RNF216: variants seen among roughly 807,000 people sequenced by gnomAD.
RNF216 encodes the protein E3 ubiquitin-protein ligase RNF216.
RNF216 carries 72 observed loss-of-function variants against 110.8 expected under a neutral mutation model. The ratio of observed to expected loss-of-function variants is 0.65; its 90% CI spans 0.54 to 0.79. The LOEUF (loss-of-function observed/expected upper bound fraction) is 0.79. RNF216 is among the 30% of genes least tolerant of loss of function. RNF216 has a pLI of 0.00. For synonymous variants in RNF216, 495 were observed against 407.5 expected (o/e 1.21, Z -2.59); for missense variants, 1,342 against 1,141.2 (o/e 1.18, Z -2.54).
At chr7:5,672,108 T>C (rs1404246104) in intron 13 of RNF216, among the ~76,000 whole-genome samples, 2 of 152,234 alleles carry the variant, frequency 1.3e-5, no homozygotes, top group African/African-American at 2.4e-5. Context: ...CGCCCCTTTG[T>C]GCACACGCTG....
Position 5,747,779 on chromosome 7 carries a change from GA to G in RNF216, c.201+5066del, listed in dbSNP as rs1355347374. On this transcript the variant is annotated intron_variant, in intron 3 of 16. Transcript: ENST00000389902. Reference sequence around the variant, plus strand: ...AAAAAAAAAAAAAAAAAAAAAAGGGGAAAAAAAAAGAAAAAATAAATAATAA... The same window carrying G: ...AAAAAAAAAAAAAAAAAAAAAAGGGGAAAAAAAAGAAAAAATAAATAATAA... 3.8e-4 allele frequency among the ~76,000 whole-genome samples: 37 copies of G among 98,276 alleles called. 1 individual carries two copies. The highest frequency in any genetic ancestry group is 4.5e-4 in the Non-Finnish European group (21 of 46,324). 64.5% of individuals were successfully genotyped at this position (98,276 alleles called of 152,430 possible).
chr7:5,682,484 T>A (rs1029712146), intron 13 of RNF216, among the ~76,000 whole-genome samples: 2 of 151,830 alleles, frequency 1.3e-5, no homozygotes, highest in African/African-American at 4.8e-5. Context: ...CTTGTCTTAC[T>A]GCAACCCCTG....
At chr7:5,764,892 A>ACG (rs1796122094) in intron 1 of RNF216, among the ~76,000 whole-genome samples, 1 of 151,788 alleles carries the variant, frequency 6.6e-6, no homozygotes, top group Non-Finnish European at 1.5e-5. Context: ...ACTTGGTGAG[A>ACG]CCCCATCTCT....
intron 13 of RNF216, among the ~76,000 whole-genome samples, chr7:5,669,894 AAAGT>A (rs368696627): frequency 4.9e-4 from 74 of 152,042 alleles, no homozygotes; most frequent in African/African-American, 1.7e-3. Flanking sequence ...AAAAAAAAAG[AAAGT>A]AAGTGAGATT....
intron 13 of RNF216, among the ~76,000 whole-genome samples, chr7:5,652,733 G>A (rs1184812428): frequency 6.6e-6 from 1 of 152,108 alleles, no homozygotes; most frequent in African/African-American, 2.4e-5. Context: ...ACTTTGGAAG[G>A]CTGTGGCAGG....
intron 2 of RNF216, among the ~76,000 whole-genome samples, chr7:5,754,481 A>T (rs919923582): frequency 6.6e-6 from 1 of 152,076 alleles, no homozygotes; most frequent in African/African-American, 2.4e-5. Context: ...TGGATTTTTA[A>T]GGATGAGGAG....
chr7:5,679,468 C>A (rs925243653), intron 13 of RNF216, among the ~76,000 whole-genome samples: 2 of 152,240 alleles, frequency 1.3e-5, no homozygotes, highest in African/African-American at 4.8e-5. Flanking sequence ...ACAAGTGTAA[C>A]GAGGCTGTTG....
chr7:5,654,202 G>C (rs1383091873), intron 13 of RNF216, among the ~76,000 whole-genome samples: 2 of 152,194 alleles, frequency 1.3e-5, no homozygotes, highest in Non-Finnish European at 2.9e-5. Context: ...GGACTGACTT[G>C]AGAGCAAGGG....
At chr7:5,697,733 G>T (rs1360019551) in intron 13 of RNF216, among the ~76,000 whole-genome samples, 1 of 152,174 alleles carries the variant, frequency 6.6e-6, no homozygotes, top group East Asian at 1.9e-4. Flanking sequence ...TAGGATGCAA[G>T]GGTGCTCGCC....
rs560692612 is a variant in RNF216 at position 5,639,356 on chromosome 7, G to C, written c.2382+1798C>G. Among the ~76,000 whole-genome samples, 5 of 152,236 alleles carry C rather than the reference G, an allele frequency of 3.3e-5. No individual in the cohort carries two copies. The East Asian group carries it at 9.7e-4, about 29-fold the overall frequency. ...AGATAAGAGCTGCTAGCCCACCCCTGGGCTGTTCATCTCTGTACTTACACA... is the reference window on the plus strand; with the variant it reads ...AGATAAGAGCTGCTAGCCCACCCCTCGGCTGTTCATCTCTGTACTTACACA... On this transcript the variant is annotated intron_variant, in intron 15 of 16. Transcript: ENST00000389902.
At chr7:5,720,578 G>A (rs1793356801) in intron 9 of RNF216, among the ~76,000 whole-genome samples, 1 of 151,934 alleles carries the variant, frequency 6.6e-6, no homozygotes, top group Admixed American at 6.5e-5. Context: ...GTTGTTCAAG[G>A]GTCACTGTAA....
intron 2 of RNF216, among the ~76,000 whole-genome samples, chr7:5,760,208 C>A (rs1795859332): frequency 6.6e-6 from 1 of 152,054 alleles, no homozygotes; most frequent in Admixed American, 6.6e-5. Flanking sequence ...CAATAAAATT[C>A]CCCAAAACTT....
chr7:5,776,539 G>A (rs1448217957), intron 1 of RNF216, among the ~76,000 whole-genome samples: 1 of 143,828 alleles, frequency 7.0e-6, no homozygotes, highest in Non-Finnish European at 1.5e-5. Flanking sequence ...AGCTTGCAGT[G>A]AGCTAAGATC....
At chr7:5,734,354 T>C (rs1405529961) in intron 5 of RNF216, among the ~76,000 whole-genome samples, 3 of 152,074 alleles carry the variant, frequency 2.0e-5, no homozygotes, top group African/African-American at 7.3e-5. Flanking sequence ...CTCAAAAGAC[T>C]ATAGACTATA....
intron 3 of RNF216, among the ~76,000 whole-genome samples, chr7:5,745,358 A>G (rs1794976923): frequency 6.6e-6 from 1 of 152,222 alleles, no homozygotes; most frequent in African/African-American, 2.4e-5. Context: ...ATGGTATCTA[A>G]AGCAAAAAGG....
chr7:5,719,597 C>T (rs953725395), intron 9 of RNF216, among the ~76,000 whole-genome samples: 1 of 152,154 alleles, frequency 6.6e-6, no homozygotes, highest in African/African-American at 2.4e-5. Flanking sequence ...CAATGAACTA[C>T]ATTCATCAAT....
Position 5,650,903 on chromosome 7 carries a change from T to C in RNF216, c.2159+1510A>G, listed in dbSNP as rs73338063. 1.6e-3 allele frequency among the ~76,000 whole-genome samples: 243 copies of C among 152,284 alleles called. 1 individual carries two copies. The highest frequency in any genetic ancestry group is 5.7e-3 in the African/African-American group (235 of 41,554). On this transcript the variant is annotated intron_variant, in intron 14 of 16. Transcript: ENST00000389902. Reference sequence around the variant, plus strand: ...CTGCATACTTGGGAAACTGCCCAAATTGCCATTGCCCACTTCATTTTCTGA... The same window carrying C: ...CTGCATACTTGGGAAACTGCCCAAACTGCCATTGCCCACTTCATTTTCTGA...
At chr7:5,649,222 T>C (rs866505974) in intron 14 of RNF216, among the ~76,000 whole-genome samples, 7 of 151,954 alleles carry the variant, frequency 4.6e-5, no homozygotes, top group Non-Finnish European at 8.8e-5. Context: ...TAAAACCCCA[T>C]CTCTACTAAA....
chr7:5,658,297 C>G (rs852516), intron 13 of RNF216, among the ~76,000 whole-genome samples: 2 of 152,100 alleles, frequency 1.3e-5, no homozygotes, highest in Non-Finnish European at 2.9e-5. Context: ...ACCAAACATT[C>G]CAACAATGAA....
Sources: gnomAD v4.1 joint callset for allele counts (sites outside exome capture counted in the v4.1 genomes callset) on GRCh38, gnomAD v4.1.1 for gene constraint, MANE v1.5 for transcripts, NCBI Gene and HGNC (gene_info 2026-07-23, HGNC 2026-07-21) for gene names.